The following OPA3 variants were observed in gnomAD, a reference collection of about 807,000 sequenced individuals.
The protein encoded by OPA3 is outer mitochondrial membrane lipid metabolism regulator OPA3.
OPA3 carries 6 observed loss-of-function variants against 4.0 expected under a neutral mutation model. That is an observed-to-expected ratio of 1.51 (90% CI 0.83 to 2.99). The LOEUF (loss-of-function observed/expected upper bound fraction) is 2.99, where lower values mean the gene tolerates loss of function less well. Ranked by LOEUF, OPA3 falls within the 30% of genes most tolerant of loss-of-function variation. The pLI is 0.00. For synonymous variants in OPA3, 105 were observed against 117.1 expected (o/e 0.90, Z 0.67); for missense variants, 235 against 256.2 (o/e 0.92, Z 0.56).
At chr19:45,578,441 A>G (rs1809286003) in intron 1 of OPA3, among the ~76,000 whole-genome samples, 3 of 135,432 alleles carry the variant, frequency 2.2e-5, no homozygotes, top group Non-Finnish European at 3.1e-5. Context: ...CTAACTGAGC[A>G]CAAGACATCT....
chr19:45,571,605 T>C (rs989612226), intron 1 of OPA3, among the ~76,000 whole-genome samples: 8 of 152,204 alleles, frequency 5.3e-5, no homozygotes, highest in African/African-American at 1.9e-4. Flanking sequence ...TGTGACGCTC[T>C]GGTGATTATA....
intron 1 of OPA3, among the ~76,000 whole-genome samples, chr19:45,570,519 A>C (rs10424209): frequency 0.67 from 101,431 of 151,736 alleles, 34,637 homozygotes; most frequent in African/African-American, 0.82. Context: ...CCTATCTCCA[A>C]TAATAATACA....
chr19:45,554,161 A>C lies in OPA3; in HGVS notation c.143-250T>G, dbSNP rs140594857. Among the ~76,000 whole-genome samples the C allele has an allele frequency of 1.6e-4, 25 of 152,338 alleles. No homozygotes were observed. In the East Asian group the frequency reaches 4.4e-3, roughly 27 times the overall value. On this transcript the variant is annotated intron_variant, in intron 1 of 1. Transcript: ENST00000263275. ...AAGTTCATGGACGGTGTAAAGGTCC[A>C]GTTGCCAGATGCTTAGTTCCCTGTG...
chr19:45,545,180 A>C (rs1480875015), downstream of OPA3, among the ~76,000 whole-genome samples: 53 of 138,724 alleles, frequency 3.8e-4, 4 homozygotes, highest in East Asian at 8.3e-4. Flanking sequence ...AAAAAAAAAC[A>C]AAAAAACAAA....
intron 1 of OPA3, among the ~76,000 whole-genome samples, chr19:45,556,457 A>G (rs755563661): frequency 1.1e-4 from 16 of 151,820 alleles, no homozygotes; most frequent in Non-Finnish European, 2.4e-4. Context: ...CCTAGACTCA[A>G]GCAATTCTCC....
intron 1 of OPA3, among the ~76,000 whole-genome samples, chr19:45,555,314 G>A (rs1008202326): frequency 1.3e-5 from 2 of 152,020 alleles, no homozygotes; most frequent in Non-Finnish European, 2.9e-5. Context: ...TGAAATTTCT[G>A]ACTGAAAAAG....
rs570400661 is a variant in OPA3 at position 45,551,971 on chromosome 19, G to A, written c.*1543C>T. The A allele has an allele frequency of 5.1e-6, 5 of 985,574 alleles. No individual in the cohort carries two copies. The highest frequency in any genetic ancestry group is 2.3e-4 in the East Asian group (2 of 8,814). The allele number at this position is 985,574 out of a possible 1,614,324, so 61.1% of individuals were successfully genotyped here. On this transcript the variant is annotated 3_prime_UTR_variant, in exon 2 of 2. Transcript: ENST00000263275. The stretch of plus-strand genomic sequence containing the variant: ...CATGCCACACAGTACAAGCTCCAGG[G>A]ACTCTGAGGACAGGAAAATAGGGGG...
intron 1 of OPA3, 42 bp downstream of exon 1, chr19:45,584,581 G>T: frequency 6.2e-7 from 1 of 1,614,012 alleles, no homozygotes; most frequent in Non-Finnish European, 8.5e-7. Flanking sequence ...GACAGGGGTT[G>T]GAGAAAGGAA....
intron 1 of OPA3, 125 bp downstream of exon 1, chr19:45,584,498 A>G: frequency 6.3e-7 from 1 of 1,578,032 alleles, no homozygotes; most frequent in Non-Finnish European, 8.6e-7. Context: ...ACCCCCCACT[A>G]TTGGCCACTG....
intron 1 of OPA3, among the ~76,000 whole-genome samples, chr19:45,567,748 C>G (rs765232986): frequency 2.0e-5 from 3 of 152,136 alleles, no homozygotes; most frequent in African/African-American, 2.4e-5. Flanking sequence ...GACTTCTTAT[C>G]CTGTACTGCC....
intron 1 of OPA3, among the ~76,000 whole-genome samples, chr19:45,571,635 A>G (rs973760161): frequency 1.3e-5 from 2 of 152,164 alleles, no homozygotes; most frequent in African/African-American, 4.8e-5. Context: ...CAGCAAAGTG[A>G]TTTTCAAACA....
chr19:45,554,523 C>T (rs1420865517), intron 1 of OPA3, among the ~76,000 whole-genome samples: 1 of 152,170 alleles, frequency 6.6e-6, no homozygotes, highest in Non-Finnish European at 1.5e-5. Context: ...GGTGGGAGCT[C>T]AAGAGGTGAG....
downstream of OPA3, among the ~76,000 whole-genome samples, chr19:45,545,192 AAT>A (rs1373873124): frequency 1.3e-5 from 2 of 150,038 alleles, 1 homozygote; most frequent in Non-Finnish European, 3.0e-5. Context: ...AAAAACAAAA[AAT>A]AGGAAATCAA....
intron 1 of OPA3, among the ~76,000 whole-genome samples, chr19:45,582,173 T>A (rs1969865828): frequency 6.6e-6 from 1 of 151,706 alleles, no homozygotes; most frequent in Admixed American, 6.6e-5. Flanking sequence ...TTTATTTTTT[T>A]TTTTTGAGAT....
intron 1 of OPA3, among the ~76,000 whole-genome samples, chr19:45,532,988 C>A (rs1969075630): frequency 6.6e-6 from 1 of 151,862 alleles, no homozygotes; most frequent in African/African-American, 2.4e-5. Context: ...GCCTCCCAGG[C>A]TCAAGCGATT....
Position 45,548,173 on chromosome 19 carries a change from C to A in OPA3, c.*5341G>T. On this transcript the variant is annotated 3_prime_UTR_variant, in exon 2 of 2. Coordinates refer to ENST00000263275, the MANE Select transcript of OPA3 (RefSeq NM_025136.4). ...TGTCCACACCGACTCCAGCTACAAG[C>A]CATTGCCACTGGGGGACCCAAGCCT... The A allele has an allele frequency of 5.1e-6, 5 of 986,224 alleles. No homozygotes were observed. The highest frequency in any genetic ancestry group is 6.0e-6 in the Non-Finnish European group (5 of 830,446). 61.1% of individuals were successfully genotyped at this position (986,224 alleles called of 1,614,324 possible).
intron 1 of OPA3, among the ~76,000 whole-genome samples, chr19:45,559,691 C>T (rs765898510): frequency 8.5e-5 from 13 of 152,114 alleles, no homozygotes; most frequent in Admixed American, 2.6e-4. Flanking sequence ...GTGTGAGCCA[C>T]CGCACCTGGC....
chr19:45,564,170 T>TG (rs1284369039), intron 1 of OPA3, among the ~76,000 whole-genome samples: 101 of 10,512 alleles, frequency 9.6e-3, no homozygotes, highest in African/African-American at 0.028. Context: ...AGGGTGGGGG[T>TG]GGGGGGGTTG....
intron 1 of OPA3, among the ~76,000 whole-genome samples, chr19:45,580,696 G>GCAACCTCTGCCTCCCAGGTTCAAGCAATT (rs1969841998): frequency 6.6e-6 from 1 of 150,830 alleles, no homozygotes; most frequent in South Asian, 2.1e-4. Context: ...TTGGCTCACT[G>GCAACCTCTGCCTCCCAGGTTCAAGCAATT]CAACCTCTGC....
Sources: gnomAD v4.1 joint callset for allele counts (sites outside exome capture counted in the v4.1 genomes callset) on GRCh38, gnomAD v4.1.1 for gene constraint, MANE v1.5 for transcripts, NCBI Gene and HGNC (gene_info 2026-07-23, HGNC 2026-07-21) for gene names.